The following FSTL5 variants were observed in gnomAD, a reference collection of about 807,000 sequenced individuals.
FSTL5 encodes follistatin like 5, also known as follistatin-related protein 5.
Under a neutral mutation model 89.1 loss-of-function variants are expected in FSTL5, and 62 were observed. The ratio of observed to expected loss-of-function variants is 0.70; its 90% CI spans 0.57 to 0.86. The LOEUF (loss-of-function observed/expected upper bound fraction) is 0.86. Ranked by LOEUF, FSTL5 falls within the 40% of genes least tolerant of loss-of-function variation. The probability of loss-of-function intolerance (pLI) is 0.00; values close to 1 mark genes in which losing one functional copy is unlikely to be tolerated. For missense variants in FSTL5, 1,057 were observed against 1,001.6 expected (o/e 1.06, Z -0.75); for synonymous variants, 383 against 346.2 (o/e 1.11, Z -1.18).
chr4:162,123,179 A>G (rs1396428834), intron 1 of FSTL5, among the ~76,000 whole-genome samples: 1 of 152,146 alleles, frequency 6.6e-6, no homozygotes, highest in Non-Finnish European at 1.5e-5. Flanking sequence ...CATTTATTGT[A>G]CAAGAAAAAA....
At chr4:161,885,949 C>T (rs1435722429) in intron 4 of FSTL5, among the ~76,000 whole-genome samples, 2 of 151,906 alleles carry the variant, frequency 1.3e-5, no homozygotes, top group Non-Finnish European at 2.9e-5. Flanking sequence ...ATAATGTGAT[C>T]GATGTAGACT....
At chr4:162,098,235 T>A (rs1328228598) in intron 2 of FSTL5, among the ~76,000 whole-genome samples, 1 of 151,940 alleles carries the variant, frequency 6.6e-6, no homozygotes, top group Non-Finnish European at 1.5e-5. Flanking sequence ...TATGGTATGA[T>A]CCCATTTACA....
intron 3 of FSTL5, among the ~76,000 whole-genome samples, chr4:162,011,622 T>G (rs900510123): frequency 1.3e-5 from 2 of 152,098 alleles, no homozygotes; most frequent in African/African-American, 4.8e-5. Flanking sequence ...GTCTCCCAAG[T>G]AGCTGAAATT....
At chr4:162,108,755 T>G (rs1451768699) in intron 2 of FSTL5, among the ~76,000 whole-genome samples, 1 of 151,452 alleles carries the variant, frequency 6.6e-6, no homozygotes, top group Non-Finnish European at 1.5e-5. Flanking sequence ...AAAGAAATTT[T>G]ACTTATTTTA....
At chr4:161,549,769 T>A (rs1448712866) in intron 8 of FSTL5, among the ~76,000 whole-genome samples, 1 of 151,992 alleles carries the variant, frequency 6.6e-6, no homozygotes, top group African/African-American at 2.4e-5. Flanking sequence ...TCCTTTTCTT[T>A]CAGCCATCAG....
At chr4:162,048,567 T>A (rs2111251391) in intron 2 of FSTL5, among the ~76,000 whole-genome samples, 1 of 150,864 alleles carries the variant, frequency 6.6e-6, no homozygotes. Flanking sequence ...GTTGACTTAC[T>A]GCACATGTAC....
intron 4 of FSTL5, among the ~76,000 whole-genome samples, chr4:161,782,877 C>A (rs1741721199): frequency 6.6e-6 from 1 of 152,100 alleles, no homozygotes; most frequent in African/African-American, 2.4e-5. Context: ...GTTCTAGTAT[C>A]CAGGTAACTT....
intron 3 of FSTL5, among the ~76,000 whole-genome samples, chr4:161,927,185 A>C (rs1410716422): frequency 6.6e-6 from 1 of 151,732 alleles, no homozygotes; most frequent in Non-Finnish European, 1.5e-5. Flanking sequence ...AATTAACATA[A>C]ATAAAAATAG....
chr4:161,860,928 T>A (rs764128630), intron 4 of FSTL5, among the ~76,000 whole-genome samples: 5 of 151,360 alleles, frequency 3.3e-5, no homozygotes, highest in Non-Finnish European at 7.4e-5. Context: ...CACACACACA[T>A]GCACACACAC....
At chr4:161,800,018 A>G (rs1440502252) in intron 4 of FSTL5, among the ~76,000 whole-genome samples, 1 of 151,730 alleles carries the variant, frequency 6.6e-6, no homozygotes, top group East Asian at 1.9e-4. Flanking sequence ...CTAAGATTAC[A>G]TTTAGCTAAC....
At chr4:161,792,195 G>A (rs570518992) in intron 4 of FSTL5, among the ~76,000 whole-genome samples, 1 of 152,252 alleles carries the variant, frequency 6.6e-6, no homozygotes, top group East Asian at 1.9e-4. Flanking sequence ...TAACTCAGAT[G>A]GGTGTGCGCG....
intron 15 of FSTL5, among the ~76,000 whole-genome samples, chr4:161,434,608 G>C (rs1170296877): frequency 6.6e-6 from 1 of 151,816 alleles, no homozygotes; most frequent in Non-Finnish European, 1.5e-5. Context: ...CACAGCAAAG[G>C]AAACAATCAA....
chr4:162,063,846 A>T (rs1738800589), intron 2 of FSTL5, among the ~76,000 whole-genome samples: 1 of 151,938 alleles, frequency 6.6e-6, no homozygotes, highest in African/African-American at 2.4e-5. Flanking sequence ...CTTGCTACTT[A>T]TAAAGCAAAT....
intron 2 of FSTL5, among the ~76,000 whole-genome samples, chr4:162,036,106 G>A (rs1737727798): frequency 6.6e-6 from 1 of 151,996 alleles, no homozygotes; most frequent in Non-Finnish European, 1.5e-5. Flanking sequence ...CATTCTTTTA[G>A]CAATCTCGTC....
chr4:161,812,902 A>G (rs1730202904), intron 4 of FSTL5, among the ~76,000 whole-genome samples: 1 of 148,450 alleles, frequency 6.7e-6, no homozygotes, highest in African/African-American at 2.5e-5. Flanking sequence ...AAAAAAAAAA[A>G]AAAAAGATTA....
chr4:161,755,446 T>G (rs573681019), intron 6 of FSTL5, among the ~76,000 whole-genome samples: 1 of 152,224 alleles, frequency 6.6e-6, no homozygotes, highest in South Asian at 2.1e-4. Context: ...TCTTCCATTT[T>G]ATACCATGGC....
chr4:161,578,518 G>A (rs1733313068), intron 8 of FSTL5, among the ~76,000 whole-genome samples: 1 of 151,938 alleles, frequency 6.6e-6, no homozygotes, highest in African/African-American at 2.4e-5. Flanking sequence ...TATAATTTGA[G>A]TCCAAATGGA....
At chr4:161,831,746 CT>C (rs538050557) in intron 4 of FSTL5, among the ~76,000 whole-genome samples, 411 of 151,740 alleles carry the variant, frequency 2.7e-3, no homozygotes, top group Non-Finnish European at 4.7e-3. Flanking sequence ...TAAATAACTT[CT>C]GTTGTATTTG....
chr4:161,960,475 G>A (rs1578894865), intron 3 of FSTL5, among the ~76,000 whole-genome samples: 2 of 151,774 alleles, frequency 1.3e-5, no homozygotes, highest in South Asian at 2.1e-4. Flanking sequence ...GAGCCACCAC[G>A]CCTGGCCATT....
Sources: allele counts gnomAD v4.1 joint callset (sites outside exome capture counted in the v4.1 genomes callset), GRCh38; gene constraint gnomAD v4.1.1; transcripts MANE v1.5; gene names NCBI Gene and HGNC (gene_info 2026-07-23, HGNC 2026-07-21).